DLGAP1: variants seen among roughly 807,000 people sequenced by gnomAD.
DLGAP1 encodes the protein DLG associated protein 1, also known as disks large-associated protein 1.
DLGAP1 carries 11 observed loss-of-function variants against 90.8 expected under a neutral mutation model. That is an observed-to-expected ratio of 0.12 (90% CI 0.08 to 0.20). DLGAP1 has a LOEUF of 0.20. Among genes scored for constraint, DLGAP1 ranks in the 10% least tolerant of loss-of-function variants. The pLI is 1.00. For synonymous variants in DLGAP1, 558 were observed against 540.7 expected, an observed-to-expected ratio of 1.03 and a Z score of -0.44; for missense variants, 1,050 against 1,333.8, an observed-to-expected ratio of 0.79 and a Z score of 3.31.
chr18:3,610,378 G>T (rs1599528297), intron 7 of DLGAP1, among the ~76,000 whole-genome samples: 1 of 152,126 alleles, frequency 6.6e-6, no homozygotes. Flanking sequence ...TTGAAAATGT[G>T]ACAGAGAAAC....
At position 4,378,087 on chromosome 18, in the gene DLGAP1, C is replaced by A. The variant is rs1054301606; in HGVS notation, c.-267+76919G>T. Among the ~76,000 whole-genome samples, 16 of 147,932 alleles carry A rather than the reference C, an allele frequency of 1.1e-4. No homozygotes were observed. Among genetic ancestry groups the A allele is most frequent in the Non-Finnish European group, 1.8e-4 (12 of 67,156 alleles). On this transcript the variant is annotated intron_variant, in intron 1 of 12. Transcript: ENST00000315677. The surrounding 1 kb of genome is among the most constrained non-coding windows in gnomAD (Gnocchi z 4.5). ...TAAAATATATATATCACTTTTCAAT[C>A]TTTTTTCTAATATATAACATATATT...
intron 3 of DLGAP1, among the ~76,000 whole-genome samples, chr18:3,890,625 A>C (rs527444827): frequency 6.1e-4 from 93 of 152,384 alleles, no homozygotes; most frequent in African/African-American, 2.2e-3. Flanking sequence ...AATTTTAAAC[A>C]AACAAATCCA....
chr18:4,242,138 T>A (rs1444961304), intron 1 of DLGAP1, among the ~76,000 whole-genome samples: 2 of 152,146 alleles, frequency 1.3e-5, no homozygotes, highest in African/African-American at 2.4e-5. Flanking sequence ...TAATGTATGA[T>A]TCTGATTTTT....
At chr18:3,870,027 C>G (rs2070646702) in intron 4 of DLGAP1, among the ~76,000 whole-genome samples, 1 of 152,182 alleles carries the variant, frequency 6.6e-6, no homozygotes, top group Non-Finnish European at 1.5e-5. Context: ...GTCAGAGCGC[C>G]TGAATCCCAT....
At chr18:4,153,522 T>A (rs1219181586) in intron 1 of DLGAP1, among the ~76,000 whole-genome samples, 1 of 152,216 alleles carries the variant, frequency 6.6e-6, no homozygotes, top group Non-Finnish European at 1.5e-5. Flanking sequence ...TTTAACTTTT[T>A]TCTTCCTGTT....
At chr18:4,364,811 C>G (rs1402449081) in intron 1 of DLGAP1, among the ~76,000 whole-genome samples, 1 of 152,142 alleles carries the variant, frequency 6.6e-6, no homozygotes, top group Admixed American at 6.5e-5. Context: ...ACATTTCCCT[C>G]TTAACACTGC....
At chr18:3,556,074 G>A (rs929898763) in intron 9 of DLGAP1, among the ~76,000 whole-genome samples, 6 of 152,088 alleles carry the variant, frequency 3.9e-5, no homozygotes, top group South Asian at 2.1e-4. Flanking sequence ...AACACCCCAG[G>A]ACAACACACT....
intron 1 of DLGAP1, among the ~76,000 whole-genome samples, chr18:4,355,487 G>T (rs2081489377): frequency 6.6e-6 from 1 of 152,172 alleles, no homozygotes; most frequent in Admixed American, 6.6e-5. Flanking sequence ...GAATAAGGGT[G>T]CCACATAGTT....
At chr18:4,268,662 A>G (rs903332341) in intron 1 of DLGAP1, among the ~76,000 whole-genome samples, 4 of 152,216 alleles carry the variant, frequency 2.6e-5, no homozygotes, top group Admixed American at 2.6e-4. Context: ...TTAGGTTTCT[A>G]TAAGAATTAT....
At chr18:3,787,177 T>C (rs751116603) in intron 5 of DLGAP1, among the ~76,000 whole-genome samples, 66 of 152,178 alleles carry the variant, frequency 4.3e-4, no homozygotes, top group Admixed American at 9.2e-4. Context: ...CATAGATATA[T>C]GGTCACATTA....
At chr18:3,596,555 CTT>C (rs35616000) in intron 7 of DLGAP1, 5,829 of 191,318 alleles carry the variant, frequency 0.03, 21 homozygotes, top group South Asian at 0.051. Context: ...GTTAGGAGAA[CTT>C]TTTTTTTTTT....
chr18:3,999,905 G>A (rs955516684), intron 3 of DLGAP1, among the ~76,000 whole-genome samples: 1 of 152,116 alleles, frequency 6.6e-6, no homozygotes, highest in Non-Finnish European at 1.5e-5. Flanking sequence ...TCAAACTTCT[G>A]GACTCAAGGG....
At chr18:4,242,940 C>T (rs1451385243) in intron 1 of DLGAP1, among the ~76,000 whole-genome samples, 1 of 152,166 alleles carries the variant, frequency 6.6e-6, no homozygotes. Context: ...AGAGTACTCA[C>T]TATGAGGGCT....
chr18:3,876,001 G>A (rs1234296397), intron 4 of DLGAP1, among the ~76,000 whole-genome samples: 3 of 148,052 alleles, frequency 2.0e-5, no homozygotes, highest in Non-Finnish European at 4.4e-5. Context: ...TTCAATATTA[G>A]TTGGCAATTA....
At chr18:4,079,325 ACACACACAC>A (rs2075570429) in intron 2 of DLGAP1, among the ~76,000 whole-genome samples, 2 of 131,876 alleles carry the variant, frequency 1.5e-5, no homozygotes, top group Non-Finnish European at 3.3e-5. Flanking sequence ...ACACACACAC[ACACACACAC>A]ACCATGGAAT....
At chr18:3,792,002 C>T (rs1169166748) in intron 5 of DLGAP1, among the ~76,000 whole-genome samples, 1 of 152,232 alleles carries the variant, frequency 6.6e-6, no homozygotes, top group African/African-American at 2.4e-5. Flanking sequence ...CCCACGTCCA[C>T]ACTGGGGACC....
At chr18:3,500,278 A>G (rs1033551686) in intron 12 of DLGAP1, among the ~76,000 whole-genome samples, 1 of 152,344 alleles carries the variant, frequency 6.6e-6, no homozygotes, top group African/African-American at 2.4e-5. Context: ...ATTAAAAAAA[A>G]TGCAGCAGGA....
At chr18:4,049,690 A>C (rs2075104927) in intron 2 of DLGAP1, among the ~76,000 whole-genome samples, 1 of 152,168 alleles carries the variant, frequency 6.6e-6, no homozygotes, top group Non-Finnish European at 1.5e-5. Context: ...ACCCAAGGAC[A>C]GACTCCTCAG....
intron 1 of DLGAP1, among the ~76,000 whole-genome samples, chr18:4,283,246 T>C (rs1267105132): frequency 2.0e-5 from 3 of 152,188 alleles, no homozygotes; most frequent in East Asian, 1.9e-4. Context: ...AAAAGAAACA[T>C]TGATGAGTTA....
Sources: gnomAD v4.1 joint callset for allele counts (sites outside exome capture counted in the v4.1 genomes callset) on GRCh38, gnomAD v4.1.1 for gene constraint, Gnocchi (gnomAD v3.1) non-coding constraint, MANE v1.5 for transcripts, NCBI Gene and HGNC (gene_info 2026-07-23, HGNC 2026-07-21) for gene names.